The following HEPHL1 variants were observed in gnomAD, a reference collection of about 807,000 sequenced individuals.
HEPHL1 encodes the protein ferroxidase HEPHL1.
In HEPHL1, 123 loss-of-function variants were observed where a neutral mutation model predicts 122.0. That is an observed-to-expected ratio of 1.01 (90% CI 0.87 to 1.17). HEPHL1 has a LOEUF of 1.17. Ranked by LOEUF, HEPHL1 falls within the 50% of genes most tolerant of loss-of-function variation. The probability of loss-of-function intolerance (pLI) is 0.00; values close to 1 mark genes in which losing one functional copy is unlikely to be tolerated. For synonymous variants in HEPHL1, 527 were observed against 508.9 expected (o/e 1.04, Z -0.48); for missense variants, 1,452 against 1,430.5 (o/e 1.01, Z -0.24).
chr11:94,079,583 T>C (rs1046260183), intron 9 of HEPHL1, among the ~76,000 whole-genome samples: 9 of 152,038 alleles, frequency 5.9e-5, no homozygotes, highest in Admixed American at 2.0e-4. Context: ...GGTTGCTTAG[T>C]GGTTTGCAAG....
At chr11:94,038,189 G>C (rs1040086791) in intron 1 of HEPHL1, among the ~76,000 whole-genome samples, 1 of 150,970 alleles carries the variant, frequency 6.6e-6, no homozygotes, top group Non-Finnish European at 1.5e-5. Context: ...AAAAAGAAAT[G>C]AGCAAAGCCT....
At chr11:94,099,585 T>C (rs1946350213) in intron 13 of HEPHL1, among the ~76,000 whole-genome samples, 1 of 152,238 alleles carries the variant, frequency 6.6e-6, no homozygotes, top group Non-Finnish European at 1.5e-5. Context: ...TGCTGCCTTT[T>C]GTTCGGCTAT....
At chr11:94,084,336 TTAAATAAA>T (rs5793669) in intron 10 of HEPHL1, among the ~76,000 whole-genome samples, 2,926 of 146,802 alleles carry the variant, frequency 0.02, 99 homozygotes, top group East Asian at 0.11. Flanking sequence ...CTCTCTCTGT[TTAAATAAA>T]TAAATAAATA....
At chr11:94,037,890 C>G (rs542688897) in intron 1 of HEPHL1, among the ~76,000 whole-genome samples, 2,894 of 150,344 alleles carry the variant, frequency 0.019, 128 homozygotes, top group African/African-American at 0.068. Flanking sequence ...GCCGAGCTGA[C>G]AGAAGAAGGC....
intron 2 of HEPHL1, among the ~76,000 whole-genome samples, chr11:94,047,919 G>A (rs1485632925): frequency 3.9e-5 from 6 of 151,904 alleles, no homozygotes; most frequent in African/African-American, 1.2e-4. Context: ...TGTTCAATTC[G>A]GTGGCATTAA....
At chr11:94,049,235 A>G (rs1176805491) in intron 2 of HEPHL1, among the ~76,000 whole-genome samples, 1 of 151,978 alleles carries the variant, frequency 6.6e-6, no homozygotes, top group Non-Finnish European at 1.5e-5. Context: ...ATCACTAATC[A>G]TTGGGGAAAT....
At chr11:94,083,508 A>T (rs934745583) in intron 10 of HEPHL1, among the ~76,000 whole-genome samples, 2 of 152,220 alleles carry the variant, frequency 1.3e-5, no homozygotes, top group Non-Finnish European at 2.9e-5. Context: ...GCAGTCAATA[A>T]AAGTGCCCGA....
At chr11:94,075,818 G>A (rs907748809) in intron 9 of HEPHL1, among the ~76,000 whole-genome samples, 6 of 152,038 alleles carry the variant, frequency 3.9e-5, no homozygotes, top group Non-Finnish European at 5.9e-5. Flanking sequence ...TGCAGCCAAC[G>A]TTGAGAACCA....
intron 1 of HEPHL1, among the ~76,000 whole-genome samples, chr11:94,037,609 T>C (rs569260969): frequency 1.7e-3 from 265 of 152,224 alleles, no homozygotes; most frequent in Middle Eastern, 3.4e-3. Context: ...AACAGGGGCA[T>C]ACTGACACCT....
At chr11:94,056,002 A>G in intron 2 of HEPHL1, 2 of 840,560 alleles carry the variant, frequency 2.4e-6, no homozygotes, top group Admixed American at 5.4e-5. Flanking sequence ...TTTCGCAGCC[A>G]GCTTCCATTC....
At chr11:94,092,945 G>T (rs1565359997) in intron 12 of HEPHL1, among the ~76,000 whole-genome samples, 1 of 152,110 alleles carries the variant, frequency 6.6e-6, no homozygotes, top group South Asian at 2.1e-4. Context: ...TGAATAACAA[G>T]TATCAACTGT....
chr11:94,050,968 A>G (rs1040838292), intron 2 of HEPHL1, among the ~76,000 whole-genome samples: 7 of 152,102 alleles, frequency 4.6e-5, no homozygotes, highest in African/African-American at 1.7e-4. Context: ...CTCCGGTTCA[A>G]TCCACATTGT....
chr11:94,088,524 CT>C (rs149600766), intron 11 of HEPHL1, among the ~76,000 whole-genome samples: 1 of 151,988 alleles, frequency 6.6e-6, no homozygotes, highest in African/African-American at 2.4e-5. Context: ...TTGTAAGTTT[CT>C]TTTTTTATAA....
In HEPHL1 at chr11:94,082,476, G is replaced by T; in HGVS notation, c.1775G>T (p.Arg592Ile). ...ACAGTCTTTGATGAGAATCTGAGCA[G>T]ATATTTTGATGAAAACATTCAGAAG... ...LFTVFDENLS[R>I]YFDENIQKFI... is the part of the protein sequence containing the mutation. Residue 592 changes from arginine to isoleucine, a missense_variant, in exon 10 of 20, where the codon AGA becomes ATA. Arg to Ile is a moderately conservative substitution (Grantham distance 97, BLOSUM62 -3). Transcript: ENST00000315765. The T allele has an allele frequency of 6.2e-7, 1 of 1,612,598 alleles. No individual in the cohort carries two copies. The highest frequency in any genetic ancestry group is 1.1e-5 in the South Asian group (1 of 91,044).
intron 17 of HEPHL1, among the ~76,000 whole-genome samples, chr11:94,109,003 T>C (rs770841967): frequency 1.7e-4 from 26 of 152,156 alleles, no homozygotes; most frequent in Non-Finnish European, 5.9e-5. Flanking sequence ...GAACATGGTA[T>C]ATCTATCGTT....
intron 1 of HEPHL1, among the ~76,000 whole-genome samples, chr11:94,029,155 T>C (rs1945651539): frequency 6.6e-6 from 1 of 152,144 alleles, no homozygotes; most frequent in South Asian, 2.1e-4. Flanking sequence ...ATAGTTACTA[T>C]AGTTTTTGTT....
In HEPHL1 at chr11:94,067,242, G is replaced by C. The variant is rs1428850567; in HGVS notation, c.809-254G>C. Among the ~76,000 whole-genome samples the C allele has an allele frequency of 2.6e-5, 4 of 152,180 alleles. No individual in the cohort carries two copies. The East Asian group carries it at 7.7e-4, about 29-fold the overall frequency. On this transcript the variant is annotated intron_variant, in intron 4 of 19. Coordinates refer to ENST00000315765, the MANE Select transcript of HEPHL1 (RefSeq NM_001098672.2). ...GACCTCATATTGCGTTCCCACAGCA[G>C]CTCCGAGGCTGTTCTCAGTGTATGC...
At chr11:94,098,806 G>A (rs757304490) in intron 13 of HEPHL1, among the ~76,000 whole-genome samples, 6 of 152,006 alleles carry the variant, frequency 3.9e-5, no homozygotes, top group Non-Finnish European at 8.8e-5. Flanking sequence ...TGATCGAATC[G>A]GCTACTGAAG....
intron 12 of HEPHL1, among the ~76,000 whole-genome samples, chr11:94,089,575 G>A (rs932871534): frequency 9.9e-5 from 15 of 152,162 alleles, no homozygotes; most frequent in East Asian, 1.9e-4. Context: ...CTCTCAGGCC[G>A]CCAGCAGCCT....
Sources: gnomAD v4.1 joint callset for allele counts (sites outside exome capture counted in the v4.1 genomes callset) on GRCh38, gnomAD v4.1.1 for gene constraint, MANE v1.5 for transcripts, NCBI Gene and HGNC (gene_info 2026-07-23, HGNC 2026-07-21) for gene names.